The following SNTB1 variants were observed in gnomAD, a reference collection of about 807,000 sequenced individuals.
The protein encoded by SNTB1 is beta-1-syntrophin.
SNTB1 carries 36 observed loss-of-function variants against 48.9 expected under a neutral mutation model. The ratio of observed to expected loss-of-function variants is 0.74; its 90% CI spans 0.56 to 0.97. The LOEUF is 0.97. Ranked by LOEUF, SNTB1 falls within the 50% of genes least tolerant of loss-of-function variation. The probability of loss-of-function intolerance (pLI) is 0.00; values close to 1 mark genes in which losing one functional copy is unlikely to be tolerated. For synonymous variants in SNTB1, 299 were observed against 294.6 expected (o/e 1.01, Z -0.15); for missense variants, 786 against 703.4 (o/e 1.12, Z -1.33).
chr8:120,690,724 A>G lies in SNTB1; in HGVS notation c.788+2968T>C, dbSNP rs970763145. ...GTTAGATGTGTCTCTTGCATTCAGC[A>G]TAGAGTTGGGTTTTGCAGATTCCAC... On this transcript the variant is annotated intron_variant, in intron 2 of 6. Coordinates refer to ENST00000517992, the MANE Select transcript of SNTB1 (RefSeq NM_021021.4). Among the ~76,000 whole-genome samples, 10 of 152,322 alleles carry G rather than the reference A, an allele frequency of 6.6e-5. 1 individual carries two copies. The highest frequency in any genetic ancestry group is 4.1e-4 in the South Asian group (2 of 4,828).
At chr8:120,663,030 G>C (rs916820343) in intron 2 of SNTB1, among the ~76,000 whole-genome samples, 6 of 143,426 alleles carry the variant, frequency 4.2e-5, no homozygotes, top group Admixed American at 2.1e-4. Flanking sequence ...CTGGTGGGGG[G>C]GGTATTTGGG....
In SNTB1 at chr8:120,811,342, G is replaced by A. The variant is rs926201375; in HGVS notation, c.502C>T (p.Leu168=). The A allele has an allele frequency of 6.2e-7, 1 of 1,612,918 alleles. No individual in the cohort carries two copies. The highest frequency in any genetic ancestry group is 1.3e-5 in the African/African-American group (1 of 75,048). ...DAILSVNGAD[L]RDATHDEAVQ... Reference sequence around the variant, plus strand: ...GCCTCGTCGTGGGTGGCGTCCCGCAGGTCGGCTCCGTTCACGGACAGGATG... The same window carrying A: ...GCCTCGTCGTGGGTGGCGTCCCGCAAGTCGGCTCCGTTCACGGACAGGATG... The change falls in exon 1 of 7, where the codon CTG becomes TTG. Residue 168 remains leucine (L), a synonymous_variant. Transcript: ENST00000517992.
chr8:120,568,340 T>A (rs1042277896), intron 4 of SNTB1, among the ~76,000 whole-genome samples: 2 of 152,146 alleles, frequency 1.3e-5, no homozygotes, highest in South Asian at 4.2e-4. Flanking sequence ...CCTGGCATCA[T>A]CCCACAGAGA....
intron 1 of SNTB1, among the ~76,000 whole-genome samples, chr8:120,777,260 GA>G (rs1819750023): frequency 6.6e-6 from 1 of 152,158 alleles, no homozygotes; most frequent in Non-Finnish European, 1.5e-5. Context: ...GTTGAACTTG[GA>G]AAAATCCCAA....
At chr8:120,767,185 C>T (rs1819540241) in intron 1 of SNTB1, among the ~76,000 whole-genome samples, 1 of 152,098 alleles carries the variant, frequency 6.6e-6, no homozygotes, top group Non-Finnish European at 1.5e-5. Flanking sequence ...CTCGTAAGAA[C>T]CTTTTTTTGT....
intron 5 of SNTB1, among the ~76,000 whole-genome samples, chr8:120,544,619 C>T (rs536686543): frequency 6.6e-6 from 1 of 152,224 alleles, no homozygotes; most frequent in Admixed American, 6.5e-5. Context: ...AAAGATTTTA[C>T]AAAATTTGTA....
intron 1 of SNTB1, chr8:120,775,417 C>T (rs1819714963): frequency 6.6e-6 from 1 of 152,184 alleles, no homozygotes; most frequent in African/African-American, 2.4e-5. Flanking sequence ...AAGATCAAAG[C>T]TCACACTGCA....
chr8:120,746,849 T>A (rs1819132985), intron 1 of SNTB1, among the ~76,000 whole-genome samples: 1 of 152,184 alleles, frequency 6.6e-6, no homozygotes, highest in South Asian at 2.1e-4. Context: ...ATCTTGAAAA[T>A]GTGCATGGTG....
At chr8:120,706,738 G>T (rs1173723434) in intron 1 of SNTB1, among the ~76,000 whole-genome samples, 1 of 152,094 alleles carries the variant, frequency 6.6e-6, no homozygotes, top group Non-Finnish European at 1.5e-5. Context: ...TCTCTCTCTT[G>T]CCCCTTACAG....
chr8:120,764,924 C>T (rs777291901), intron 1 of SNTB1, among the ~76,000 whole-genome samples: 28 of 152,112 alleles, frequency 1.8e-4, no homozygotes, highest in Non-Finnish European at 3.1e-4. Context: ...TTTTATATTC[C>T]AGTTTAAAAA....
chr8:120,811,632 C>A lies in SNTB1; in HGVS notation c.212G>T (p.Gly71Val). The change falls in exon 1 of 7, where the codon GGC becomes GTC. Residue 71 changes from glycine to valine, a missense_variant. Transcript: ENST00000517992. ...GTATNGSFCRGAGAGHPGAGG... is the reference protein window; with the variant it reads ...GTATNGSFCRVAGAGHPGAGG... ...CGCGCCCGGGTGCCCAGCCCCGGCG[C>A]CCCTGCAGAACGAGCCATTGGTGGC... The A allele has an allele frequency of 6.3e-7, 1 of 1,593,526 alleles. No individual in the cohort carries two copies. The highest frequency in any genetic ancestry group is 8.5e-7 in the Non-Finnish European group (1 of 1,173,560).
chr8:120,704,464 A>G (rs1303472545), intron 1 of SNTB1, among the ~76,000 whole-genome samples: 8 of 152,016 alleles, frequency 5.3e-5, no homozygotes, highest in Non-Finnish European at 1.0e-4. Flanking sequence ...TCAAAAAAAA[A>G]AGAGAAAAAA....
At chr8:120,792,346 A>G (rs1374089348) in intron 1 of SNTB1, among the ~76,000 whole-genome samples, 1 of 107,540 alleles carries the variant, frequency 9.3e-6, no homozygotes, top group Admixed American at 1.2e-4. Flanking sequence ...GAGACTCAGA[A>G]AAGGGGAGGG....
chr8:120,648,390 T>C (rs1352090282), intron 2 of SNTB1, among the ~76,000 whole-genome samples: 8 of 152,172 alleles, frequency 5.3e-5, no homozygotes, highest in Non-Finnish European at 1.2e-4. Context: ...AGCATTTGCT[T>C]GTTTGTAAAG....
intron 2 of SNTB1, among the ~76,000 whole-genome samples, chr8:120,638,819 G>T (rs1250066568): frequency 6.6e-6 from 1 of 152,142 alleles, no homozygotes; most frequent in Non-Finnish European, 1.5e-5. Context: ...GGACATTTGG[G>T]TTGGTTCCAA....
chr8:120,713,990 A>G (rs565300992), intron 1 of SNTB1, among the ~76,000 whole-genome samples: 1 of 152,332 alleles, frequency 6.6e-6, no homozygotes, highest in African/African-American at 2.4e-5. Flanking sequence ...GAAGAGGAAT[A>G]TCTAAGACTG....
At chr8:120,673,377 G>A (rs1003316672) in intron 2 of SNTB1, among the ~76,000 whole-genome samples, 2 of 149,684 alleles carry the variant, frequency 1.3e-5, no homozygotes, top group Admixed American at 6.7e-5. Context: ...TGCAACCTCC[G>A]TCTCCTGGGT....
chr8:120,810,928 C>T (rs993430379), intron 1 of SNTB1, among the ~76,000 whole-genome samples: 2 of 152,164 alleles, frequency 1.3e-5, no homozygotes, highest in Non-Finnish European at 2.9e-5. Context: ...ATCCCAGTCC[C>T]TACACTCTAC....
chr8:120,700,404 T>A (rs540735634), intron 1 of SNTB1, among the ~76,000 whole-genome samples: 1 of 152,166 alleles, frequency 6.6e-6, no homozygotes, highest in South Asian at 2.1e-4. Flanking sequence ...TATACTTCCA[T>A]GTGCTTACCG....
Sources: allele counts gnomAD v4.1 joint callset (sites outside exome capture counted in the v4.1 genomes callset), GRCh38; gene constraint gnomAD v4.1.1; transcripts MANE v1.5; gene names NCBI Gene and HGNC (gene_info 2026-07-23, HGNC 2026-07-21).